Variants in ARMH4 observed in about 807,000 individuals in gnomAD.
The protein encoded by ARMH4 is armadillo-like helical domain-containing protein 4.
A neutral mutation model predicts 61.9 loss-of-function variants in ARMH4; 49 were observed. That is an observed-to-expected ratio of 0.79 (90% CI 0.63 to 1.00). The LOEUF (loss-of-function observed/expected upper bound fraction) is 1.00. Among genes scored for constraint, ARMH4 ranks in the 50% least tolerant of loss-of-function variants. The pLI is 0.00. For synonymous variants in ARMH4, 368 were observed against 341.5 expected (o/e 1.08, Z -0.85); for missense variants, 934 against 930.0 (o/e 1.00, Z -0.06).
At position 58,048,971 on chromosome 14, in the gene ARMH4, C is replaced by T. The variant is rs978112690; in HGVS notation, c.2090-36821G>A. Among the ~76,000 whole-genome samples, 5 of 152,170 alleles carry T rather than the reference C, an allele frequency of 3.3e-5. No homozygotes were observed. The South Asian group carries it at 8.3e-4, about 25-fold the overall frequency. ...AAGAAAAACTGGCTGGGCACCGTGGCTCATGCCTGTAATCCCAGCACTTTG... is the reference window on the plus strand; with the variant it reads ...AAGAAAAACTGGCTGGGCACCGTGGTTCATGCCTGTAATCCCAGCACTTTG... On this transcript the variant is annotated intron_variant, in intron 5 of 7. Coordinates refer to ENST00000267485, the MANE Select transcript of ARMH4 (RefSeq NM_001001872.4).
chr14:58,073,708 C>G (rs1884958374), intron 5 of ARMH4, among the ~76,000 whole-genome samples: 1 of 152,164 alleles, frequency 6.6e-6, no homozygotes, highest in African/African-American at 2.4e-5. Flanking sequence ...CAATGGAGTT[C>G]TTTGTTTAAG....
chr14:58,009,027 G>A (rs184644697), intron 6 of ARMH4, among the ~76,000 whole-genome samples: 1 of 152,290 alleles, frequency 6.6e-6, no homozygotes, highest in East Asian at 1.9e-4. Flanking sequence ...CACCAACTTG[G>A]ATTAGCCAAG....
chr14:58,145,705 C>A (rs1366350277), intron 1 of ARMH4, among the ~76,000 whole-genome samples: 1 of 152,222 alleles, frequency 6.6e-6, no homozygotes. Context: ...TCAAATACAA[C>A]AGAAAGAGTG....
At chr14:58,147,316 G>GTT (rs33969627) in intron 1 of ARMH4, among the ~76,000 whole-genome samples, 48 of 132,532 alleles carry the variant, frequency 3.6e-4, no homozygotes, top group Non-Finnish European at 3.7e-4. Context: ...AATCCAGATG[G>GTT]TTTTTTTTTT....
intron 6 of ARMH4, among the ~76,000 whole-genome samples, chr14:58,010,426 T>C (rs1043793431): frequency 6.6e-6 from 1 of 152,020 alleles, no homozygotes; most frequent in Admixed American, 6.6e-5. Context: ...GCAGGGAATA[T>C]GGGGAAGATT....
chr14:58,083,276 T>C (rs1885284710), intron 5 of ARMH4, among the ~76,000 whole-genome samples: 1 of 152,184 alleles, frequency 6.6e-6, no homozygotes, highest in African/African-American at 2.4e-5. Context: ...ACCTTTGGAA[T>C]AATGGAAAGA....
intron 5 of ARMH4, among the ~76,000 whole-genome samples, chr14:58,023,063 G>A (rs560521437): frequency 6.6e-6 from 1 of 152,182 alleles, no homozygotes; most frequent in Non-Finnish European, 1.5e-5. Context: ...TGGATGAAGG[G>A]TCTTCCTCAA....
At chr14:58,123,911 T>G (rs544788544) in intron 4 of ARMH4, among the ~76,000 whole-genome samples, 1 of 152,330 alleles carries the variant, frequency 6.6e-6, no homozygotes, top group East Asian at 1.9e-4. Flanking sequence ...TAAATTTCCT[T>G]GCTACCTGTG....
At chr14:58,093,542 G>T (rs1014816553) in intron 5 of ARMH4, among the ~76,000 whole-genome samples, 1 of 152,126 alleles carries the variant, frequency 6.6e-6, no homozygotes, top group African/African-American at 2.4e-5. Context: ...TCCATGTAGG[G>T]TAATTTATTC....
In ARMH4 at chr14:58,047,496, G is replaced by T. The variant is rs553992598; in HGVS notation, c.2090-35346C>A. On this transcript the variant is annotated intron_variant, in intron 5 of 7. Coordinates refer to ENST00000267485, the MANE Select transcript of ARMH4 (RefSeq NM_001001872.4). ...TTTACTCTTCATTTCAACCCTGTAA[G>T]GTAGGTACAGCCATTATCTCCACTG... Among the ~76,000 whole-genome samples the T allele has an allele frequency of 3.9e-5, 6 of 152,242 alleles. No homozygotes were observed. The South Asian group carries it at 1.2e-3, about 32-fold the overall frequency.
intron 4 of ARMH4, among the ~76,000 whole-genome samples, chr14:58,097,349 G>A (rs535311289): frequency 6.0e-4 from 91 of 152,316 alleles, no homozygotes; most frequent in African/African-American, 2.0e-3. Context: ...AATACTAACA[G>A]AACTTAAAAG....
intron 5 of ARMH4, among the ~76,000 whole-genome samples, chr14:58,028,716 C>T (rs1219900316): frequency 6.6e-6 from 1 of 152,170 alleles, no homozygotes; most frequent in Non-Finnish European, 1.5e-5. Context: ...AGTACTCAGG[C>T]TTCAAGTTGC....
At chr14:58,069,994 A>G (rs1156355856) in intron 5 of ARMH4, among the ~76,000 whole-genome samples, 1 of 152,230 alleles carries the variant, frequency 6.6e-6, no homozygotes, top group Non-Finnish European at 1.5e-5. Flanking sequence ...AGGCTCCTGC[A>G]ATAGTTTGGG....
In ARMH4 at chr14:58,143,765, C is replaced by CTTTTTTTTT. The variant is rs201034964; in HGVS notation, c.-56-4360_-56-4352dup. ...AGGCATGAGCCACCGTGCCCATCCT[C>CTTTTTTTTT]TTTTTTTTTTTTTTTTTTTTTTTTC... On this transcript the variant is annotated intron_variant, in intron 1 of 7. Transcript: ENST00000267485. Among the ~76,000 whole-genome samples, 10 of 120,108 alleles carry CTTTTTTTTT rather than the reference C, an allele frequency of 8.3e-5. 2 individuals are homozygous for CTTTTTTTTT. The highest frequency in any genetic ancestry group is 3.6e-4 in the African/African-American group (9 of 25,154). 78.8% of individuals were successfully genotyped at this position (120,108 alleles called of 152,430 possible).
intron 4 of ARMH4, among the ~76,000 whole-genome samples, chr14:58,107,577 A>C (rs997256318): frequency 3.9e-5 from 6 of 152,172 alleles, no homozygotes; most frequent in South Asian, 2.1e-4. Context: ...CATCCTGGCT[A>C]ACATGGTGAA....
chr14:58,137,919 AT>A, intron 2 of ARMH4, 70 bp downstream of exon 2: 1 of 1,433,572 alleles, frequency 7.0e-7, no homozygotes, highest in Non-Finnish European at 9.4e-7. Flanking sequence ...CTATTTCTAA[AT>A]TGCCATTAAA....
chr14:58,008,130 T>C (rs1356007830), intron 6 of ARMH4, among the ~76,000 whole-genome samples: 5 of 152,198 alleles, frequency 3.3e-5, no homozygotes, highest in East Asian at 1.9e-4. Context: ...ATATTGAATA[T>C]ACTCCAGCTA....
chr14:58,020,655 G>C (rs1955637), intron 5 of ARMH4, among the ~76,000 whole-genome samples: 41,087 of 152,004 alleles, frequency 0.27, 5,704 homozygotes, highest in Non-Finnish European at 0.3. Flanking sequence ...AAATAAACTG[G>C]ATCTCTTAGT....
chr14:58,048,230 C>G (rs1884003977), intron 5 of ARMH4, among the ~76,000 whole-genome samples: 3 of 152,178 alleles, frequency 2.0e-5, no homozygotes, highest in Non-Finnish European at 4.4e-5. Context: ...GACCCCTTAT[C>G]AAAGACAACT....
Sources: gnomAD v4.1 joint callset for allele counts (sites outside exome capture counted in the v4.1 genomes callset) on GRCh38, gnomAD v4.1.1 for gene constraint, MANE v1.5 for transcripts, NCBI Gene and HGNC (gene_info 2026-07-23, HGNC 2026-07-21) for gene names.